The following STARD13 variants were observed in gnomAD, a reference collection of about 807,000 sequenced individuals.
The protein encoded by STARD13 is stAR-related lipid transfer protein 13.
A neutral mutation model predicts 106.4 loss-of-function variants in STARD13; 62 were observed. The observed-to-expected ratio is 0.58, with a 90% confidence interval of 0.48 to 0.72. STARD13 has a LOEUF of 0.72. Ranked by LOEUF, STARD13 falls within the 30% of genes least tolerant of loss-of-function variation. The pLI is 0.00. For missense variants in STARD13, 1,387 were observed against 1,424.0 expected (o/e 0.97, Z 0.42); for synonymous variants, 565 against 553.0 (o/e 1.02, Z -0.31).
At chr13:33,561,414 C>T in the STARD13 span, among the ~76,000 whole-genome samples, 1 of 151,482 alleles carries the variant, frequency 6.6e-6, no homozygotes. Flanking sequence ...CTCTGTGATC[C>T]TCTGTGATCA....
intron 8 of STARD13, chr13:33,113,165 C>T (rs577278521): frequency 1.9e-5 from 10 of 525,258 alleles, no homozygotes; most frequent in Middle Eastern, 4.9e-4. Flanking sequence ...ATCCCACGCT[C>T]TCGATGGCCA....
intron 1 of STARD13, chr13:33,185,860 T>C (rs1256985697): frequency 6.2e-7 from 1 of 1,613,736 alleles, no homozygotes; most frequent in Non-Finnish European, 8.5e-7. Context: ...CCACATGCCC[T>C]TCTGATCCAG....
downstream of STARD13, among the ~76,000 whole-genome samples, chr13:33,347,928 C>T (rs1307650904): frequency 6.6e-6 from 1 of 152,204 alleles, no homozygotes; most frequent in Non-Finnish European, 1.5e-5. Flanking sequence ...ATTTCAGTGT[C>T]TCATGGCCAA....
the STARD13 span, among the ~76,000 whole-genome samples, chr13:33,568,078 G>A: frequency 6.8e-6 from 1 of 147,812 alleles, no homozygotes; most frequent in South Asian, 2.2e-4. Flanking sequence ...TAAAGGATTA[G>A]GTGTTGGGGA....
the STARD13 span, among the ~76,000 whole-genome samples, chr13:33,534,642 T>C: frequency 6.6e-6 from 1 of 152,206 alleles, no homozygotes; most frequent in Admixed American, 6.5e-5. Context: ...GAATACACTG[T>C]TGAAACACTA....
the STARD13 span, among the ~76,000 whole-genome samples, chr13:33,453,670 G>A: frequency 6.6e-6 from 1 of 152,084 alleles, no homozygotes; most frequent in Non-Finnish European, 1.5e-5. Context: ...AACTATTATT[G>A]ACCAAAACAT....
the STARD13 span, among the ~76,000 whole-genome samples, chr13:33,551,568 CCTTT>C: frequency 3.1e-4 from 14 of 44,794 alleles, 6 homozygotes; most frequent in East Asian, 3.5e-3. Flanking sequence ...TTTGCTTTTC[CCTTT>C]TTTTTTTTTT....
chr13:33,110,786 A>C lies in STARD13; in HGVS notation c.2729T>G (p.Leu910Arg). The C allele has an allele frequency of 6.2e-7, 1 of 1,614,206 alleles. No individual in the cohort carries two copies. Among genetic ancestry groups the C allele is most frequent in the Non-Finnish European group, 8.5e-7 (1 of 1,180,032 alleles). The stretch of plus-strand genomic sequence containing the variant: ...CTGGAGGCCCTGGATGAGATGGTTC[A>C]GGTAAGTGTGGAAAGTTGCCCCACT... ...EESGATFHTYLNHLIQGLQKE... is the reference protein window; with the variant it reads ...EESGATFHTYRNHLIQGLQKE... The change falls in exon 11 of 14, where the codon CTG becomes CGG. Residue 910 changes from leucine (L) to arginine (R), a missense_variant. Coordinates refer to ENST00000336934, the MANE Select transcript of STARD13 (RefSeq NM_178006.4).
chr13:33,364,497 G>C, the STARD13 span, among the ~76,000 whole-genome samples: 4 of 152,218 alleles, frequency 2.6e-5, no homozygotes, highest in South Asian at 8.3e-4. Flanking sequence ...TGTCTGAATG[G>C]GAAAACAATA....
the STARD13 span, among the ~76,000 whole-genome samples, chr13:33,411,155 T>C: frequency 6.6e-6 from 1 of 152,076 alleles, no homozygotes; most frequent in Non-Finnish European, 1.5e-5. Context: ...TTTATTTCAT[T>C]ATACATAACT....
chr13:33,365,317 G>C, the STARD13 span, among the ~76,000 whole-genome samples: 1 of 152,212 alleles, frequency 6.6e-6, no homozygotes, highest in African/African-American at 2.4e-5. Flanking sequence ...GGAGGTGCTG[G>C]AAGATTTTTC....
chr13:33,136,182 A>C (rs140452407), intron 4 of STARD13, among the ~76,000 whole-genome samples: 469 of 152,220 alleles, frequency 3.1e-3, no homozygotes, highest in African/African-American at 0.011. Flanking sequence ...CAAAGTGTGC[A>C]TATAGGCATT....
Position 33,127,449 on chromosome 13 carries a change from G to A in STARD13, c.1846C>T (p.Leu616Phe), listed in dbSNP as rs201808755. ...AGGCGGAGCAGTGAGAAGCGCTGGA[G>A]CAGGCTCAGCTGGCTGGCCGTCTGG... Reference protein sequence around the residue: ...SSQTASQLSLLQRFSLLRLTA... With the variant: ...SSQTASQLSLFQRFSLLRLTA... The change falls in exon 6 of 14, where the codon CTC becomes TTC. Residue 616 changes from leucine (L) to phenylalanine (F), a missense_variant. By Grantham distance (22) the Leu-to-Phe change is conservative. Transcript: ENST00000336934. The A allele has an allele frequency of 9.9e-5, 159 of 1,602,884 alleles. No homozygotes were observed. Among genetic ancestry groups the A allele is most frequent in the Non-Finnish European group, 4.2e-5 (49 of 1,178,592 alleles).
chr13:33,450,527 C>CT, the STARD13 span, among the ~76,000 whole-genome samples: 3 of 151,982 alleles, frequency 2.0e-5, no homozygotes, highest in Non-Finnish European at 4.4e-5. Context: ...CTGAAGTTTT[C>CT]TTTTTTGGTT....
At chr13:33,595,093 C>T in the STARD13 span, among the ~76,000 whole-genome samples, 1 of 152,176 alleles carries the variant, frequency 6.6e-6, no homozygotes, top group Non-Finnish European at 1.5e-5. Flanking sequence ...TGTTTTAGGA[C>T]TACCTTTTAG....
intron 4 of STARD13, among the ~76,000 whole-genome samples, chr13:33,135,468 G>A (rs1427162465): frequency 6.6e-6 from 1 of 152,178 alleles, no homozygotes; most frequent in Non-Finnish European, 1.5e-5. Context: ...CCAATTCAAG[G>A]TTAGTTTGCT....
the STARD13 span, among the ~76,000 whole-genome samples, chr13:33,508,259 G>T: frequency 6.6e-6 from 1 of 152,304 alleles, no homozygotes; most frequent in South Asian, 2.1e-4. Flanking sequence ...AACTGGTCAG[G>T]TGGCCCAGAC....
the STARD13 span, among the ~76,000 whole-genome samples, chr13:33,650,702 A>G: frequency 9.5e-4 from 145 of 152,366 alleles, no homozygotes; most frequent in African/African-American, 2.8e-3. Flanking sequence ...CAAAATTCAT[A>G]TGTTGGAACT....
chr13:33,506,522 G>C, the STARD13 span, among the ~76,000 whole-genome samples: 2 of 152,144 alleles, frequency 1.3e-5, no homozygotes, highest in African/African-American at 2.4e-5. Flanking sequence ...TTCTGAAAAT[G>C]GTGTTGATCC....
Sources: gnomAD v4.1 joint callset for allele counts (sites outside exome capture counted in the v4.1 genomes callset) on GRCh38, gnomAD v4.1.1 for gene constraint, MANE v1.5 for transcripts, NCBI Gene and HGNC (gene_info 2026-07-23, HGNC 2026-07-21) for gene names.